The following OGN variants were observed in gnomAD, a reference collection of about 807,000 sequenced individuals.
The protein encoded by OGN is mimecan.
A neutral mutation model predicts 30.8 loss-of-function variants in OGN; 19 were observed. That is an observed-to-expected ratio of 0.62 (90% CI 0.43 to 0.90). OGN has a LOEUF of 0.90. Among genes scored for constraint, OGN ranks in the 40% least tolerant of loss-of-function variants. The pLI, the probability that OGN is intolerant of heterozygous loss-of-function variation, is 0.00. For missense variants in OGN, 283 were observed against 349.7 expected, an observed-to-expected ratio of 0.81 and a Z score of 1.52; for synonymous variants, 126 against 128.3, an observed-to-expected ratio of 0.98 and a Z score of 0.12.
In OGN at chr9:92,384,392, A is replaced by G. The variant is rs1842345899; in HGVS notation, c.*1228T>C. On this transcript the variant is annotated 3_prime_UTR_variant, in exon 7 of 7. Transcript: ENST00000375561. ...TTTCAATACATACTTTATGGTGGAA[A>G]TAATGTTTGTACTTTTACTTACACA... 2 of 152,174 alleles carry G rather than the reference A, an allele frequency of 1.3e-5. No individual in the cohort carries two copies. The highest frequency in any genetic ancestry group is 6.5e-5 in the Admixed American group (1 of 15,282). The allele number at this position is 152,174 out of a possible 1,614,324, so 9.4% of individuals were successfully genotyped here.
At chr9:92,397,953 A>G (rs1217377594) in intron 3 of OGN, among the ~76,000 whole-genome samples, 3 of 152,204 alleles carry the variant, frequency 2.0e-5, no homozygotes, top group Admixed American at 6.5e-5. Flanking sequence ...AGTATCTTCT[A>G]TTCCAAACCA....
Position 92,385,546 on chromosome 9 carries a change from A to G in OGN, c.*74T>C. ...CAAGGTTAATATTAAACCAATACTT[A>G]AGTTCCTTTACTCATTGTTGAGACA... On this transcript the variant is annotated 3_prime_UTR_variant, in exon 7 of 7. Transcript: ENST00000375561. The G allele has an allele frequency of 7.8e-7, 1 of 1,276,538 alleles. No homozygotes were observed. Among genetic ancestry groups the G allele is most frequent in the Non-Finnish European group, 1.1e-6 (1 of 902,806 alleles). The allele number at this position is 1,276,538 out of a possible 1,614,324, so 79.1% of individuals were successfully genotyped here.
In OGN at chr9:92,384,928, A is replaced by T. The variant is rs1842364901; in HGVS notation, c.*692T>A. The T allele has an allele frequency of 6.6e-6, 1 of 152,576 alleles. No individual in the cohort carries two copies. The highest frequency in any genetic ancestry group is 1.5e-5 in the Non-Finnish European group (1 of 68,018). 9.5% of individuals were successfully genotyped at this position (152,576 alleles called of 1,614,324 possible). On this transcript the variant is annotated 3_prime_UTR_variant, in exon 7 of 7. Transcript: ENST00000375561. The stretch of plus-strand genomic sequence containing the variant: ...TAAAACTTTTTTTGGTAGACTTAGA[A>T]TGTTAATATTTAGATAAAGAAAATA...
At chr9:92,390,629 T>G (rs984616790) in intron 4 of OGN, among the ~76,000 whole-genome samples, 9 of 152,142 alleles carry the variant, frequency 5.9e-5, no homozygotes, top group African/African-American at 1.7e-4. Flanking sequence ...ATATCTGGGA[T>G]AATTAGGAAA....
chr9:92,393,156 C>T lies in OGN; in HGVS notation c.357G>A (p.Lys119=), dbSNP rs1564295231. The change falls in exon 4 of 7, where the codon AAG becomes AAA. Residue 119 remains lysine, a synonymous_variant. Coordinates refer to ENST00000375561, the MANE Select transcript of OGN (RefSeq NM_014057.5). ...ATCGTGCGTAAAGATAGGCTGATTCCTTTGGTAAGGGTGGTACAGCATCAA... is the reference window on the plus strand; with the variant it reads ...ATCGTGCGTAAAGATAGGCTGATTCTTTTGGTAAGGGTGGTACAGCATCAA... ...VDIDAVPPLP[K]ESAYLYARFN... 1 of 1,613,788 alleles carries T rather than the reference C, an allele frequency of 6.2e-7. No individual in the cohort carries two copies. The highest frequency in any genetic ancestry group is 1.1e-5 in the South Asian group (1 of 91,032).
intron 3 of OGN, among the ~76,000 whole-genome samples, chr9:92,396,766 A>G (rs1842909199): frequency 6.6e-6 from 1 of 152,062 alleles, no homozygotes; most frequent in Admixed American, 6.6e-5. Flanking sequence ...ACATGGTGTC[A>G]CTATGTTGCC....
In OGN at chr9:92,386,208, T is replaced by C; in HGVS notation, c.719A>G (p.His240Arg). 1 of 1,603,358 alleles carries C rather than the reference T, an allele frequency of 6.2e-7. No homozygotes were observed. Among genetic ancestry groups the C allele is most frequent in the Non-Finnish European group, 8.5e-7 (1 of 1,170,312 alleles). The change falls in exon 6 of 7, where the codon CAT becomes CGT. Residue 240 changes from histidine to arginine, a missense_variant. Physicochemically the swap from His to Arg is conservative, Grantham distance 29. Transcript: ENST00000375561. Reference protein sequence around the residue: ...LNLPESLRVIHLQFNNIASIT... With the variant: ...LNLPESLRVIRLQFNNIASIT... ...TGAAAGGAACTATCATACCTGAAGA[T>C]GAATTACACGTAGACTTTCTGGTAA...
intron 6 of OGN, 92 bp downstream of exon 6, chr9:92,386,109 A>T: frequency 1.0e-6 from 1 of 998,298 alleles, no homozygotes; most frequent in Non-Finnish European, 1.6e-6. Flanking sequence ...TCTAACCAAA[A>T]TTTGTATGTG....
chr9:92,401,052 T>C (rs1425022203), intron 3 of OGN, 40 bp downstream of exon 3: 1 of 957,384 alleles, frequency 1.0e-6, no homozygotes, highest in Non-Finnish European at 1.7e-6. Context: ...TATAGCTATT[T>C]TTAAAAGATC....
At chr9:92,404,451 C>T (rs1213576019) in intron 1 of OGN, 45 bp downstream of exon 1, 2 of 1,206,444 alleles carry the variant, frequency 1.7e-6, no homozygotes, top group African/African-American at 3.2e-5. Context: ...GTCAGTCGCA[C>T]TTTAACAAAC....
intron 3 of OGN, among the ~76,000 whole-genome samples, chr9:92,395,093 T>C (rs1286045446): frequency 6.6e-6 from 1 of 152,068 alleles, no homozygotes; most frequent in Non-Finnish European, 1.5e-5. Flanking sequence ...GTACAACATA[T>C]ACGATTTTTA....
chr9:92,400,648 A>T (rs1357628598), intron 3 of OGN, among the ~76,000 whole-genome samples: 1 of 152,130 alleles, frequency 6.6e-6, no homozygotes, highest in African/African-American at 2.4e-5. Context: ...ATTAAGTAGG[A>T]CTTGTAATTT....
At chr9:92,399,700 C>T (rs968276836) in intron 3 of OGN, among the ~76,000 whole-genome samples, 2 of 152,056 alleles carry the variant, frequency 1.3e-5, no homozygotes, top group Non-Finnish European at 2.9e-5. Flanking sequence ...AAGGTATGGA[C>T]CTAAATGTAC....
chr9:92,391,267 C>T (rs914157287), intron 4 of OGN, among the ~76,000 whole-genome samples: 13 of 151,380 alleles, frequency 8.6e-5, no homozygotes, highest in Admixed American at 4.0e-4. Context: ...ATTAGCCAGG[C>T]GTGGTGGCGA....
chr9:92,394,183 C>T (rs1196063358), intron 3 of OGN, among the ~76,000 whole-genome samples: 1 of 151,522 alleles, frequency 6.6e-6, no homozygotes, highest in African/African-American at 2.4e-5. Flanking sequence ...TTGGCACTCT[C>T]TTCTTATTTT....
At chr9:92,387,053 G>GAAAAAA (rs903436031) in intron 5 of OGN, among the ~76,000 whole-genome samples, 46 of 50,052 alleles carry the variant, frequency 9.2e-4, no homozygotes, top group South Asian at 2.1e-3. Context: ...GTCTCAAAAA[G>GAAAAAA]AAAAAAAAAA....
Position 92,398,887 on chromosome 9 carries a change from C to G in OGN, c.268+2205G>C, listed in dbSNP as rs989885768. On this transcript the variant is annotated intron_variant, in intron 3 of 6. Transcript: ENST00000375561. Reference sequence around the variant, plus strand: ...GACCAGCCTGACCAACATGGTGAAACCTGTCTCTACTAAAAATACAATAAA... The same window carrying G: ...GACCAGCCTGACCAACATGGTGAAAGCTGTCTCTACTAAAAATACAATAAA... Among the ~76,000 whole-genome samples the G allele has an allele frequency of 1.8e-4, 27 of 152,020 alleles. No homozygotes were observed. In the East Asian group the frequency reaches 5.0e-3, roughly 28 times the overall value.
chr9:92,401,885 T>G (rs1843128478), intron 2 of OGN, among the ~76,000 whole-genome samples: 1 of 152,182 alleles, frequency 6.6e-6, no homozygotes, highest in Non-Finnish European at 1.5e-5. Context: ...CTGTCCTTTG[T>G]AAGCATGTTC....
intron 3 of OGN, among the ~76,000 whole-genome samples, chr9:92,400,695 G>C (rs1044877220): frequency 6.6e-6 from 1 of 152,212 alleles, no homozygotes; most frequent in African/African-American, 2.4e-5. Flanking sequence ...TAATTGAAAT[G>C]TATGTGTAAT....
Sources: gnomAD v4.1 joint callset for allele counts (sites outside exome capture counted in the v4.1 genomes callset) on GRCh38, gnomAD v4.1.1 for gene constraint, MANE v1.5 for transcripts, NCBI Gene and HGNC (gene_info 2026-07-23, HGNC 2026-07-21) for gene names.